The following TEKT3 variants were observed in gnomAD, a reference collection of about 807,000 sequenced individuals.
TEKT3 encodes tektin 3, also known as tektin-3.
Under a neutral mutation model 49.8 loss-of-function variants are expected in TEKT3, and 49 were observed. That is an observed-to-expected ratio of 0.98 (90% CI 0.78 to 1.25). The LOEUF is 1.25. TEKT3 is among the 50% of genes most tolerant of loss of function. The pLI is 0.00. For missense variants in TEKT3, 595 were observed against 629.5 expected (o/e 0.95, Z 0.59); for synonymous variants, 225 against 237.2 (o/e 0.95, Z 0.47).
chr17:15,311,124 G>C (rs1208500956), intron 7 of TEKT3: 1 of 152,232 alleles, frequency 6.6e-6, no homozygotes, highest in Admixed American at 6.5e-5. Context: ...TCTCTGTAAT[G>C]TAAACTTCCT....
chr17:15,330,853 G>GT (rs1316152257), intron 3 of TEKT3, among the ~76,000 whole-genome samples, 154 bp downstream of exon 3: 4 of 152,112 alleles, frequency 2.6e-5, no homozygotes, highest in Non-Finnish European at 5.9e-5. Flanking sequence ...ATAGGCAGTG[G>GT]TTTTGCCATT....
At chr17:15,339,622 T>C (rs1419102881) in intron 2 of TEKT3, among the ~76,000 whole-genome samples, 1 of 152,166 alleles carries the variant, frequency 6.6e-6, no homozygotes, top group South Asian at 2.1e-4. Context: ...GACTGGAAGA[T>C]CATAAATATT....
chr17:15,324,598 T>G (rs1911408254), intron 4 of TEKT3, among the ~76,000 whole-genome samples: 1 of 152,188 alleles, frequency 6.6e-6, no homozygotes, highest in African/African-American at 2.4e-5. Flanking sequence ...AACTTGTTAT[T>G]TTCTATATTT....
chr17:15,309,713 C>T (rs1446906609), intron 7 of TEKT3, among the ~76,000 whole-genome samples: 1 of 152,156 alleles, frequency 6.6e-6, no homozygotes, highest in Admixed American at 6.5e-5. Flanking sequence ...TCAACCATGG[C>T]TGTGCCCACT....
chr17:15,313,694 A>G (rs766853829), intron 6 of TEKT3, among the ~76,000 whole-genome samples: 2 of 151,904 alleles, frequency 1.3e-5, no homozygotes, highest in Non-Finnish European at 2.9e-5. Flanking sequence ...TTTTTAGTAG[A>G]GACGGGGTTT....
At chr17:15,329,971 G>C (rs1402905962) in intron 3 of TEKT3, among the ~76,000 whole-genome samples, 1 of 152,188 alleles carries the variant, frequency 6.6e-6, no homozygotes, top group African/African-American at 2.4e-5. Flanking sequence ...AATGGGGTTG[G>C]AGGGCCCATC....
At chr17:15,325,813 C>T (rs973061604) in intron 4 of TEKT3, among the ~76,000 whole-genome samples, 2 of 152,180 alleles carry the variant, frequency 1.3e-5, no homozygotes, top group African/African-American at 4.8e-5. Flanking sequence ...TGGTAAATTC[C>T]TATCCAGTTA....
At position 15,303,968 on chromosome 17, in the gene TEKT3, G is replaced by C. The variant is rs371201203; in HGVS notation, c.1441C>G (p.Pro481Ala). The change falls in exon 9 of 9, where the codon CCC (proline) becomes GCC (alanine). Residue 481 changes from proline (P) to alanine (A), a missense_variant. Transcript: ENST00000395930. ...AAGCCGACCAGCCGGAGGGTGTTGG[G>C]GTAGCTCTTGCGCATGCTCATGCAT... ...EKCMSMRKSY[P>A]NTLRLVGFC The C allele has an allele frequency of 6.2e-7, 1 of 1,614,052 alleles. No homozygotes were observed. The highest frequency in any genetic ancestry group is 1.7e-5 in the Admixed American group (1 of 60,022).
At chr17:15,327,923 T>C in intron 4 of TEKT3, 69 bp downstream of exon 4, 1 of 1,312,250 alleles carries the variant, frequency 7.6e-7, no homozygotes, top group South Asian at 1.2e-5. Context: ...CATCCTTTTT[T>C]GCTTCTACAT....
intron 7 of TEKT3, among the ~76,000 whole-genome samples, chr17:15,311,867 T>C (rs967700866): frequency 5.9e-5 from 9 of 152,208 alleles, no homozygotes; most frequent in African/African-American, 1.7e-4. Flanking sequence ...GTTTCCTGTA[T>C]TTGGTTTTGT....
At chr17:15,305,310 C>G (rs1910497593) in intron 8 of TEKT3, among the ~76,000 whole-genome samples, 1 of 152,184 alleles carries the variant, frequency 6.6e-6, no homozygotes, top group African/African-American at 2.4e-5. Context: ...GGGAACATAT[C>G]CACGCTGTGC....
rs534014021 is a variant in TEKT3, at chr17:15,304,617, C to T, written c.1257-465G>A. ...CCAGGAAGCTAAGAAGGAAATTCAG[C>T]GCTTCAGTGGCCATAATAAGAAACT... is the stretch of plus-strand genomic sequence containing the variant. On this transcript the variant is annotated intron_variant, in intron 8 of 8. Transcript: ENST00000395930. This position sits in a 1 kb window ranked among gnomAD's most constrained non-coding sequence, Gnocchi z 4.7. Among the ~76,000 whole-genome samples, 41 of 152,246 alleles carry T rather than the reference C, an allele frequency of 2.7e-4. No individual in the cohort carries two copies. Among genetic ancestry groups the T allele is most frequent in the African/African-American group, 7.9e-4 (33 of 41,538 alleles).
chr17:15,319,285 T>TGCTCTCCCTCTCCCTCTCCCTC, intron 4 of TEKT3, 138 bp from the exon 5 acceptor site: 1 of 668,616 alleles, frequency 1.5e-6, no homozygotes, highest in South Asian at 2.3e-5. Flanking sequence ...ACAATTTTGC[T>TGCTCTCCCTCTCCCTCTCCCTC]TCCACTTATT....
chr17:15,310,829 T>C (rs1910739868), intron 7 of TEKT3: 1 of 152,140 alleles, frequency 6.6e-6, no homozygotes, highest in Admixed American at 6.5e-5. Context: ...TCTGACCTCA[T>C]TAACCTTCTC....
At chr17:15,338,593 C>T (rs1041689389) in intron 2 of TEKT3, 1 of 150,646 alleles carries the variant, frequency 6.6e-6, no homozygotes, top group Non-Finnish European at 1.5e-5. Context: ...CAAGCTCCGC[C>T]TCCTGGGTTC....
intron 7 of TEKT3, among the ~76,000 whole-genome samples, chr17:15,309,724 G>A (rs911331630): frequency 6.6e-6 from 1 of 151,956 alleles, no homozygotes. Context: ...TGTGCCCACT[G>A]CCTTCACTTC....
At chr17:15,305,868 G>A (rs1397392711) in intron 8 of TEKT3, among the ~76,000 whole-genome samples, 2 of 151,656 alleles carry the variant, frequency 1.3e-5, no homozygotes, top group Non-Finnish European at 2.9e-5. Flanking sequence ...CACAACTAGG[G>A]AATAACATGC....
upstream of TEKT3, among the ~76,000 whole-genome samples, chr17:15,342,943 T>C (rs1912278408): frequency 6.6e-6 from 1 of 152,240 alleles, no homozygotes; most frequent in Non-Finnish European, 1.5e-5. Flanking sequence ...TGTCTTTTTT[T>C]ATTACTTTTT....
chr17:15,341,356 G>C (rs1196628768), intron 1 of TEKT3, among the ~76,000 whole-genome samples, 162 bp downstream of exon 1: 1 of 152,214 alleles, frequency 6.6e-6, no homozygotes, highest in African/African-American at 2.4e-5. Flanking sequence ...CTGTGGATTT[G>C]TACGGTTTTT....
Sources: gnomAD v4.1 joint callset for allele counts (sites outside exome capture counted in the v4.1 genomes callset) on GRCh38, gnomAD v4.1.1 for gene constraint, Gnocchi (gnomAD v3.1) non-coding constraint, MANE v1.5 for transcripts, NCBI Gene and HGNC (gene_info 2026-07-23, HGNC 2026-07-21) for gene names.